TSHZ1: variants seen among roughly 807,000 people sequenced by gnomAD.
TSHZ1 encodes teashirt homolog 1.
TSHZ1 carries 12 observed loss-of-function variants against 67.1 expected under a neutral mutation model. The ratio of observed to expected loss-of-function variants is 0.18; its 90% CI spans 0.11 to 0.29. TSHZ1 has a LOEUF of 0.29. TSHZ1 is among the 10% of genes least tolerant of loss of function. TSHZ1 has a pLI of 1.00. For missense variants in TSHZ1, 1,305 were observed against 1,413.9 expected (o/e 0.92, Z 1.23); for synonymous variants, 632 against 622.4 (o/e 1.02, Z -0.23).
Position 75,286,339 on chromosome 18 carries a change from A to G in TSHZ1, c.932A>G (p.Tyr311Cys), listed in dbSNP as rs1278450624. 5 of 1,614,118 alleles carry G rather than the reference A, an allele frequency of 3.1e-6. No homozygotes were observed. The highest frequency in any genetic ancestry group is 4.2e-6 in the Non-Finnish European group (5 of 1,180,010). ...EDAQKVLKCM[Y>C]CGHSFESLQD... ...GCCCAGAAGGTGCTGAAGTGCATGTACTGTGGACACTCCTTTGAGTCCTTG... is the reference window on the plus strand; with the variant it reads ...GCCCAGAAGGTGCTGAAGTGCATGTGCTGTGGACACTCCTTTGAGTCCTTG... The change falls in exon 2 of 2, where the codon TAC (tyrosine) becomes TGC (cysteine). Residue 311 changes from tyrosine (Y) to cysteine (C), a missense_variant. Transcript: ENST00000580243. The surrounding 1 kb of genome is among the most constrained non-coding windows in gnomAD (Gnocchi z 5.1).
At chr18:75,246,403 GGTGT>G (rs74178999) in intron 1 of TSHZ1, among the ~76,000 whole-genome samples, 38,274 of 108,292 alleles carry the variant, frequency 0.35, 5,885 homozygotes, top group East Asian at 0.53. Flanking sequence ...TTTGGTTTCT[GGTGT>G]GTGTGTGTGT....
At chr18:75,253,258 G>A (rs1224726536) in intron 1 of TSHZ1, among the ~76,000 whole-genome samples, 1 of 152,206 alleles carries the variant, frequency 6.6e-6, no homozygotes, top group Non-Finnish European at 1.5e-5. Flanking sequence ...TGTATTAGCA[G>A]ATGCTGTTGT....
At chr18:75,277,559 G>A (rs1296743320) in intron 1 of TSHZ1, among the ~76,000 whole-genome samples, 1 of 152,134 alleles carries the variant, frequency 6.6e-6, no homozygotes, top group Non-Finnish European at 1.5e-5. Context: ...AGCTGGTGAG[G>A]AGGGCCTGCC....
intron 1 of TSHZ1, among the ~76,000 whole-genome samples, chr18:75,260,403 G>A (rs149473273): frequency 1.2e-3 from 180 of 152,308 alleles, no homozygotes; most frequent in Admixed American, 4.1e-3. Context: ...TAAGTTCTAT[G>A]AAGACAAAGA....
intron 1 of TSHZ1, among the ~76,000 whole-genome samples, chr18:75,259,882 C>T (rs536545917): frequency 6.6e-6 from 1 of 152,148 alleles, no homozygotes; most frequent in Admixed American, 6.5e-5. Context: ...GATATCCTGG[C>T]GTCAAAGAGT....
intron 1 of TSHZ1, among the ~76,000 whole-genome samples, chr18:75,264,389 C>T (rs1294900529): frequency 6.6e-6 from 1 of 152,118 alleles, no homozygotes; most frequent in Admixed American, 6.5e-5. Flanking sequence ...TTATCTCTGC[C>T]GTTCAGATAA....
rs1489943737 is a variant in TSHZ1 at position 75,289,597 on chromosome 18, A to T, written c.*956A>T. The T allele has an allele frequency of 6.0e-6, 1 of 166,882 alleles. No homozygotes were observed. Among genetic ancestry groups the T allele is most frequent in the African/African-American group, 2.4e-5 (1 of 41,386 alleles). The allele number at this position is 166,882 out of a possible 1,614,324, so 10.3% of individuals were successfully genotyped here. On this transcript the variant is annotated 3_prime_UTR_variant, in exon 2 of 2. Transcript: ENST00000580243. ...ATATCGTACCATTTTAATCTCTTCA[A>T]CTTTCTTTGTACCTTCTGGCTGTAT... is the stretch of plus-strand genomic sequence containing the variant.
chr18:75,229,363 C>T (rs2022966782), intron 1 of TSHZ1, among the ~76,000 whole-genome samples: 1 of 152,260 alleles, frequency 6.6e-6, no homozygotes, highest in Non-Finnish European at 1.5e-5. Flanking sequence ...CTGGGAGCTT[C>T]CGGTCCGATG....
chr18:75,251,405 A>G (rs987699563), intron 1 of TSHZ1, among the ~76,000 whole-genome samples: 5 of 151,104 alleles, frequency 3.3e-5, no homozygotes, highest in East Asian at 1.9e-4. Flanking sequence ...GGAGGATGGT[A>G]GTATTTATTG....
At chr18:75,274,896 A>G (rs2023598638) in intron 1 of TSHZ1, among the ~76,000 whole-genome samples, 1 of 152,256 alleles carries the variant, frequency 6.6e-6, no homozygotes, top group South Asian at 2.1e-4. Context: ...GGATTTAAGT[A>G]AAGTCAGGTG....
chr18:75,235,073 A>C (rs1432817823), intron 1 of TSHZ1, among the ~76,000 whole-genome samples: 1 of 151,804 alleles, frequency 6.6e-6, no homozygotes, highest in African/African-American at 2.4e-5. Context: ...AGCGTGTCAC[A>C]CCCGTGTTGT....
chr18:75,278,946 G>A (rs567349458), intron 1 of TSHZ1, among the ~76,000 whole-genome samples: 9 of 152,270 alleles, frequency 5.9e-5, no homozygotes, highest in East Asian at 1.9e-4. Flanking sequence ...GCCCACCTCC[G>A]TCTGTGGGGT....
At chr18:75,266,852 T>C (rs1362865463) in intron 1 of TSHZ1, among the ~76,000 whole-genome samples, 1 of 152,232 alleles carries the variant, frequency 6.6e-6, no homozygotes, top group African/African-American at 2.4e-5. Flanking sequence ...AAGAATATTA[T>C]TTAAAGTTTC....
At chr18:75,277,299 A>G (rs533054594) in intron 1 of TSHZ1, among the ~76,000 whole-genome samples, 1 of 152,202 alleles carries the variant, frequency 6.6e-6, no homozygotes, top group Non-Finnish European at 1.5e-5. Flanking sequence ...TTTGAGTGGC[A>G]TGAAGCTAAG....
chr18:75,233,736 C>T (rs752482254), intron 1 of TSHZ1, among the ~76,000 whole-genome samples: 9 of 152,118 alleles, frequency 5.9e-5, no homozygotes, highest in Non-Finnish European at 1.0e-4. Context: ...TGAGGAGTGA[C>T]GTGGGGCTTC....
chr18:75,245,995 G>A (rs2023216846), intron 1 of TSHZ1, among the ~76,000 whole-genome samples: 1 of 152,186 alleles, frequency 6.6e-6, no homozygotes, highest in South Asian at 2.1e-4. Context: ...ATAAGTGCCA[G>A]GGGAGCGGGC....
chr18:75,285,912 G>A lies in TSHZ1; in HGVS notation c.505G>A (p.Gly169Ser). 3.3e-6 allele frequency: 4 copies of A among 1,224,722 alleles called. No individual in the cohort carries two copies. The highest frequency in any genetic ancestry group is 2.6e-4 in the Middle Eastern group (1 of 3,910). 75.9% of individuals were successfully genotyped at this position (1,224,722 alleles called of 1,614,324 possible). A position where few individuals can be genotyped will look rare whatever the true frequency, so the allele number is the denominator to read the frequency against. ...TPPTCPVSTT[G>S]PTTSTPSTSC... ...CCCCACCTGCCCCGTCAGCACCACT[G>A]GCCCCACCACGAGCACGCCCAGCAC... The change falls in exon 2 of 2, where the codon GGC becomes AGC. Residue 169 changes from glycine (G) to serine (S), a missense_variant. Coordinates refer to ENST00000580243, the MANE Select transcript of TSHZ1 (RefSeq NM_001308210.2).
At chr18:75,251,263 AC>A (rs1230307661) in intron 1 of TSHZ1, among the ~76,000 whole-genome samples, 1 of 152,148 alleles carries the variant, frequency 6.6e-6, no homozygotes, top group African/African-American at 2.4e-5. Context: ...AAATAAACAA[AC>A]CAAAAAAAGC....
Position 75,287,896 on chromosome 18 carries a change from C to T in TSHZ1, c.2489C>T (p.Ser830Leu). ...LVSSVADSVA[S>L]PLRESALMDI... Reference sequence around the variant, plus strand: ...TCCAGCGTGGCTGATTCGGTGGCATCACCTCTGCGGGAGAGCGCACTCATG... The same window carrying T: ...TCCAGCGTGGCTGATTCGGTGGCATTACCTCTGCGGGAGAGCGCACTCATG... The change falls in exon 2 of 2, where the codon TCA becomes TTA. Residue 830 changes from serine to leucine, a missense_variant. This residue lies in a region of TSHZ1 where 909 missense variants were observed against 961.8 expected (regional missense o/e 0.95). Coordinates refer to ENST00000580243, the MANE Select transcript of TSHZ1 (RefSeq NM_001308210.2). This position sits in a 1 kb window ranked among gnomAD's most constrained non-coding sequence, Gnocchi z 5.0. 1 of 1,614,210 alleles carries T rather than the reference C, an allele frequency of 6.2e-7. No homozygotes were observed. The highest frequency in any genetic ancestry group is 1.1e-5 in the South Asian group (1 of 91,088).
Sources: gnomAD v4.1 joint callset for allele counts (sites outside exome capture counted in the v4.1 genomes callset) on GRCh38, gnomAD v4.1.1 for gene constraint, gnomAD v4.1.1 regional missense constraint, Gnocchi (gnomAD v3.1) non-coding constraint, MANE v1.5 for transcripts, NCBI Gene and HGNC (gene_info 2026-07-23, HGNC 2026-07-21) for gene names.